GPC5: variants seen among roughly 807,000 people sequenced by gnomAD.
The protein encoded by GPC5 is glypican 5.
Under a neutral mutation model 53.9 loss-of-function variants are expected in GPC5, and 47 were observed. The ratio of observed to expected loss-of-function variants is 0.87; its 90% CI spans 0.69 to 1.11. The LOEUF (loss-of-function observed/expected upper bound fraction) is 1.11, where lower values mean the gene tolerates loss of function less well. Ranked by LOEUF, GPC5 falls within the 50% of genes most tolerant of loss-of-function variation. The pLI, the probability that GPC5 is intolerant of heterozygous loss-of-function variation, is 0.00. For synonymous variants in GPC5, 286 were observed against 263.3 expected (o/e 1.09, Z -0.84); for missense variants, 748 against 713.1 (o/e 1.05, Z -0.56).
chr13:92,040,378 G>A (rs571541765), intron 6 of GPC5, among the ~76,000 whole-genome samples: 1 of 152,318 alleles, frequency 6.6e-6, no homozygotes, highest in African/African-American at 2.4e-5. Flanking sequence ...GTCCTAACCA[G>A]GGCAGGTTCC....
chr13:91,703,651 G>T (rs1374797480), intron 3 of GPC5, among the ~76,000 whole-genome samples: 2 of 152,102 alleles, frequency 1.3e-5, no homozygotes, highest in Admixed American at 6.5e-5. Flanking sequence ...TCAGGGTAAT[G>T]CTGGCCTTAT....
At chr13:91,980,167 C>T (rs1363982790) in intron 6 of GPC5, among the ~76,000 whole-genome samples, 1 of 152,198 alleles carries the variant, frequency 6.6e-6, no homozygotes, top group African/African-American at 2.4e-5. Flanking sequence ...AAACAATGTG[C>T]ATTCAAAGTA....
chr13:92,841,329 G>A (rs1369738691), intron 7 of GPC5, among the ~76,000 whole-genome samples: 2 of 152,044 alleles, frequency 1.3e-5, no homozygotes, highest in African/African-American at 2.4e-5. Flanking sequence ...AAGAAATAAA[G>A]AGAATCTTTT....
At chr13:91,491,582 T>A (rs958842564) in intron 2 of GPC5, among the ~76,000 whole-genome samples, 5 of 152,118 alleles carry the variant, frequency 3.3e-5, no homozygotes, top group Non-Finnish European at 5.9e-5. Context: ...TAATAAAAAA[T>A]TATTTTCTCA....
At chr13:92,833,253 A>G (rs1309349124) in intron 7 of GPC5, among the ~76,000 whole-genome samples, 1 of 152,224 alleles carries the variant, frequency 6.6e-6, no homozygotes, top group Admixed American at 6.5e-5. Context: ...CTATATAAGT[A>G]AAAGGAAACC....
intron 2 of GPC5, among the ~76,000 whole-genome samples, chr13:91,506,667 T>G (rs549532): frequency 0.99 from 150,299 of 152,242 alleles, 74,226 homozygotes; most frequent in East Asian, 1. Context: ...TTTGAAAAAG[T>G]CTAAAGACTT....
intron 7 of GPC5, among the ~76,000 whole-genome samples, chr13:92,158,205 C>A (rs921440977): frequency 1.3e-5 from 2 of 152,176 alleles, no homozygotes; most frequent in Non-Finnish European, 2.9e-5. Context: ...TGTTTGCACT[C>A]TTCCTGGAGC....
intron 2 of GPC5, among the ~76,000 whole-genome samples, chr13:91,544,837 G>C (rs1421521471): frequency 6.6e-6 from 1 of 152,166 alleles, no homozygotes; most frequent in Non-Finnish European, 1.5e-5. Context: ...TTCTGGTTCT[G>C]GTATCTCACA....
intron 2 of GPC5, among the ~76,000 whole-genome samples, chr13:91,658,037 C>G (rs1287511058): frequency 6.6e-6 from 1 of 152,054 alleles, no homozygotes; most frequent in Non-Finnish European, 1.5e-5. Flanking sequence ...AAATACATTT[C>G]ATTGTCTTCA....
At chr13:91,843,295 A>G (rs1170432820) in intron 5 of GPC5, among the ~76,000 whole-genome samples, 1 of 152,210 alleles carries the variant, frequency 6.6e-6, no homozygotes, top group Non-Finnish European at 1.5e-5. Context: ...ATAAACATGT[A>G]TTACAGATTC....
intron 7 of GPC5, among the ~76,000 whole-genome samples, chr13:92,581,350 G>A (rs73621542): frequency 0.012 from 1,814 of 152,046 alleles, 39 homozygotes; most frequent in African/African-American, 0.041. Flanking sequence ...TTTATTTTAC[G>A]TAATGCCATA....
At chr13:92,108,717 A>G (rs1479048288) in intron 6 of GPC5, among the ~76,000 whole-genome samples, 1 of 152,122 alleles carries the variant, frequency 6.6e-6, no homozygotes, top group Non-Finnish European at 1.5e-5. Context: ...AACTAAATCT[A>G]TATGTAGAAA....
At chr13:92,759,697 CTTT>C (rs1875079057) in intron 7 of GPC5, among the ~76,000 whole-genome samples, 1 of 151,908 alleles carries the variant, frequency 6.6e-6, no homozygotes, top group African/African-American at 2.4e-5. Context: ...ATTTAAATAT[CTTT>C]TATTTCTTTT....
At chr13:91,912,843 G>A (rs140119548) in intron 6 of GPC5, among the ~76,000 whole-genome samples, 1 of 152,132 alleles carries the variant, frequency 6.6e-6, no homozygotes, top group Non-Finnish European at 1.5e-5. Context: ...CTAACAATAT[G>A]TTCCTTAACA....
At chr13:92,547,164 A>G (rs907770950) in intron 7 of GPC5, among the ~76,000 whole-genome samples, 2 of 152,200 alleles carry the variant, frequency 1.3e-5, no homozygotes, top group Admixed American at 1.3e-4. Flanking sequence ...TTAAATGACA[A>G]AATGAAAGAG....
At chr13:91,933,926 T>C (rs1214991353) in intron 6 of GPC5, among the ~76,000 whole-genome samples, 1 of 151,916 alleles carries the variant, frequency 6.6e-6, no homozygotes, top group African/African-American at 2.4e-5. Flanking sequence ...TGCTTGTATA[T>C]GATGCATCAT....
intron 1 of GPC5, among the ~76,000 whole-genome samples, chr13:91,428,332 G>T (rs1045023954): frequency 6.6e-6 from 1 of 152,186 alleles, no homozygotes; most frequent in African/African-American, 2.4e-5. Flanking sequence ...GTTGCTGGCT[G>T]CAAGGTTGAG....
At chr13:91,606,189 T>C (rs1259514474) in intron 2 of GPC5, among the ~76,000 whole-genome samples, 1 of 150,194 alleles carries the variant, frequency 6.7e-6, no homozygotes, top group Non-Finnish European at 1.5e-5. Flanking sequence ...TGTCAAAGGC[T>C]TTTTCTGCAT....
intron 1 of GPC5, among the ~76,000 whole-genome samples, chr13:91,417,556 A>T (rs1020944639): frequency 6.6e-6 from 1 of 152,174 alleles, no homozygotes; most frequent in South Asian, 2.1e-4. Context: ...CAGCAAAAGG[A>T]GGAGTACACT....
Sources: gnomAD v4.1 joint callset for allele counts (sites outside exome capture counted in the v4.1 genomes callset) on GRCh38, gnomAD v4.1.1 for gene constraint, MANE v1.5 for transcripts, NCBI Gene and HGNC (gene_info 2026-07-23, HGNC 2026-07-21) for gene names.